The following AFG2A variants were observed in gnomAD, a reference collection of about 807,000 sequenced individuals.
AFG2A encodes ATPase family gene 2 protein homolog A.
the AFG2A span, among the ~76,000 whole-genome samples, chr4:123,207,975 CA>C: frequency 6.6e-6 from 1 of 152,008 alleles, no homozygotes. Flanking sequence ...ATAGCCAAAA[CA>C]ATATTGAAAA....
At chr4:122,978,449 A>G in the AFG2A span, among the ~76,000 whole-genome samples, 3 of 152,296 alleles carry the variant, frequency 2.0e-5, no homozygotes, top group East Asian at 3.9e-4. Flanking sequence ...GAGGAAGTGC[A>G]TGCTGATTGG....
the AFG2A span, among the ~76,000 whole-genome samples, chr4:123,245,889 C>G: frequency 5.3e-5 from 8 of 152,296 alleles, no homozygotes; most frequent in Non-Finnish European, 1.2e-4. Context: ...AATCCTATGC[C>G]TGACACATAG....
the AFG2A span, among the ~76,000 whole-genome samples, chr4:123,001,686 T>G: frequency 6.6e-6 from 1 of 152,140 alleles, no homozygotes; most frequent in Non-Finnish European, 1.5e-5. Flanking sequence ...TTATAATTTC[T>G]GTTCTTTTAC....
the AFG2A span, among the ~76,000 whole-genome samples, chr4:123,211,576 A>G: frequency 1.3e-5 from 2 of 152,212 alleles, no homozygotes; most frequent in East Asian, 1.9e-4. Context: ...GGCCACAGCT[A>G]AGAGTAAATG....
the AFG2A span, among the ~76,000 whole-genome samples, chr4:123,001,865 C>G: frequency 6.6e-6 from 1 of 151,978 alleles, no homozygotes. Flanking sequence ...TCCTTGTTAA[C>G]TTTCTGTCTT....
At chr4:122,997,725 C>A in the AFG2A span, among the ~76,000 whole-genome samples, 1 of 152,072 alleles carries the variant, frequency 6.6e-6, no homozygotes, top group African/African-American at 2.4e-5. Context: ...TAGATATTTT[C>A]CAAAGTATCT....
the AFG2A span, among the ~76,000 whole-genome samples, chr4:123,235,969 C>T: frequency 1.3e-3 from 197 of 152,124 alleles, no homozygotes; most frequent in African/African-American, 4.1e-3. Flanking sequence ...GCAGAGTTAC[C>T]AGTATTTGAA....
the AFG2A span, among the ~76,000 whole-genome samples, chr4:122,981,663 A>G: frequency 6.6e-6 from 1 of 151,960 alleles, no homozygotes; most frequent in Non-Finnish European, 1.5e-5. Flanking sequence ...AACATTAGAC[A>G]TTATTCTATG....
chr4:123,009,575 G>A, the AFG2A span, among the ~76,000 whole-genome samples: 1 of 152,110 alleles, frequency 6.6e-6, no homozygotes, highest in Non-Finnish European at 1.5e-5. Context: ...ATCCCTTGTA[G>A]ATTTTCACAT....
the AFG2A span, among the ~76,000 whole-genome samples, chr4:123,312,388 C>T: frequency 6.6e-6 from 1 of 152,182 alleles, no homozygotes; most frequent in Non-Finnish European, 1.5e-5. Context: ...AGCCTTGCAA[C>T]CATTGCTTCA....
the AFG2A span, among the ~76,000 whole-genome samples, chr4:122,983,685 G>C: frequency 6.6e-6 from 1 of 151,966 alleles, no homozygotes; most frequent in Non-Finnish European, 1.5e-5. Context: ...TATGATTTTA[G>C]TCTTCTTAAA....
the AFG2A span, among the ~76,000 whole-genome samples, chr4:123,291,183 C>T: frequency 2.2e-4 from 33 of 152,264 alleles, no homozygotes; most frequent in African/African-American, 6.7e-4. Flanking sequence ...CATCCCCTTA[C>T]CTTGAGTCTA....
chr4:122,977,616 A>G, the AFG2A span, among the ~76,000 whole-genome samples: 7 of 152,188 alleles, frequency 4.6e-5, no homozygotes, highest in Admixed American at 4.6e-4. Flanking sequence ...TCTTCTTCTC[A>G]TTGCCCAAAA....
chr4:123,235,451 C>T, the AFG2A span, among the ~76,000 whole-genome samples: 1 of 152,146 alleles, frequency 6.6e-6, no homozygotes, highest in African/African-American at 2.4e-5. Context: ...GTTAACTTGA[C>T]CTCGCCATCA....
the AFG2A span, among the ~76,000 whole-genome samples, chr4:122,962,361 G>A: frequency 6.6e-6 from 1 of 152,100 alleles, no homozygotes; most frequent in African/African-American, 2.4e-5. Flanking sequence ...TTTCTCCTCT[G>A]TTTTATAATT....
At chr4:123,119,106 T>C in the AFG2A span, among the ~76,000 whole-genome samples, 2 of 152,170 alleles carry the variant, frequency 1.3e-5, no homozygotes, top group African/African-American at 4.8e-5. Context: ...CTCATCTTTA[T>C]TGAATCTTTC....
the AFG2A span, among the ~76,000 whole-genome samples, chr4:123,211,262 G>T: frequency 6.6e-6 from 1 of 152,096 alleles, no homozygotes; most frequent in Admixed American, 6.6e-5. Flanking sequence ...TGTATCCCTT[G>T]ATACTCATCC....
At chr4:123,172,654 G>A in the AFG2A span, among the ~76,000 whole-genome samples, 1 of 152,106 alleles carries the variant, frequency 6.6e-6, no homozygotes, top group Non-Finnish European at 1.5e-5. Context: ...CTTTCATTTA[G>A]TTCACTGTTA....
the AFG2A span, among the ~76,000 whole-genome samples, chr4:123,032,183 C>G: frequency 5.3e-5 from 8 of 152,072 alleles, no homozygotes; most frequent in Admixed American, 5.2e-4. Context: ...ATATCCTTGA[C>G]TTTTTGGGAA....
Sources: gnomAD v4.1 joint callset for allele counts (sites outside exome capture counted in the v4.1 genomes callset) on GRCh38, gnomAD v4.1.1 for gene constraint, MANE v1.5 for transcripts, NCBI Gene and HGNC (gene_info 2026-07-23, HGNC 2026-07-21) for gene names.